ARFGEF2: variants seen among roughly 807,000 people sequenced by gnomAD.
ARFGEF2 encodes ARF guanine nucleotide exchange factor 2.
Under a neutral mutation model 219.9 loss-of-function variants are expected in ARFGEF2, and 74 were observed. The observed-to-expected ratio is 0.34, with a 90% CI of 0.28 to 0.41. The LOEUF is 0.41. ARFGEF2 is among the 10% of genes least tolerant of loss of function. The pLI is 1.00. For synonymous variants in ARFGEF2, 733 were observed against 799.2 expected, an observed-to-expected ratio of 0.92 and a Z score of 1.40; for missense variants, 1,743 against 2,218.3, an observed-to-expected ratio of 0.79 and a Z score of 4.30.
At chr20:48,992,285 A>G (rs2091361690) in intron 21 of ARFGEF2, among the ~76,000 whole-genome samples, 1 of 152,218 alleles carries the variant, frequency 6.6e-6, no homozygotes, top group South Asian at 2.1e-4. Context: ...AGAATTATGG[A>G]AACTGTTTTA....
chr20:49,017,985 C>T (rs1028144303), intron 33 of ARFGEF2, among the ~76,000 whole-genome samples: 9 of 152,156 alleles, frequency 5.9e-5, no homozygotes, highest in Non-Finnish European at 7.4e-5. Context: ...AGTGCTTTGG[C>T]GTAACTGTGC....
intron 3 of ARFGEF2, among the ~76,000 whole-genome samples, chr20:48,942,293 G>T (rs1219937731): frequency 1.3e-5 from 2 of 151,510 alleles, no homozygotes; most frequent in South Asian, 2.1e-4. Flanking sequence ...GGCACATAAG[G>T]CATTTTTATA....
At chr20:48,935,739 C>T (rs1168832410) in intron 1 of ARFGEF2, among the ~76,000 whole-genome samples, 13 of 149,548 alleles carry the variant, frequency 8.7e-5, no homozygotes, top group African/African-American at 3.2e-4. Flanking sequence ...CCCCCACCTC[C>T]CTCCCGGACA....
chr20:48,990,587 C>T (rs575510974), intron 20 of ARFGEF2, among the ~76,000 whole-genome samples: 66 of 152,284 alleles, frequency 4.3e-4, no homozygotes, highest in African/African-American at 1.5e-3. Context: ...CAAGCTTTGA[C>T]GTTAGACCAT....
chr20:48,989,984 A>G (rs1357661613), intron 20 of ARFGEF2, among the ~76,000 whole-genome samples: 2 of 152,196 alleles, frequency 1.3e-5, no homozygotes, highest in Non-Finnish European at 2.9e-5. Context: ...GTTCGAGACC[A>G]GCCTAACCAA....
chr20:48,928,192 CTTTTTTTTTTTT>C (rs747462352), intron 1 of ARFGEF2, among the ~76,000 whole-genome samples: 5 of 104,762 alleles, frequency 4.8e-5, no homozygotes, highest in East Asian at 2.9e-4. Context: ...GTGTTGCAAT[CTTTTTTTTTTTT>C]TTTTTTTTTT....
intron 26 of ARFGEF2, 114 bp from the exon 27 acceptor site, chr20:49,010,118 A>G (rs1289451393): frequency 7.6e-7 from 1 of 1,319,216 alleles, no homozygotes; most frequent in African/African-American, 1.5e-5. Flanking sequence ...CCAAATGTGG[A>G]TTGCTGTGTG....
intron 38 of ARFGEF2, 85 bp from the exon 39 acceptor site, chr20:49,032,938 C>T: frequency 7.8e-7 from 1 of 1,287,180 alleles, no homozygotes; most frequent in Non-Finnish European, 1.1e-6. Context: ...TAATAAGTTC[C>T]AGGGTGAGAT....
intron 5 of ARFGEF2, 131 bp downstream of exon 5, chr20:48,953,015 C>T (rs956881114): frequency 3.3e-5 from 32 of 973,222 alleles, no homozygotes; most frequent in Admixed American, 1.4e-4. Flanking sequence ...ATTCTCTGTA[C>T]TGTGCTTTTG....
intron 1 of ARFGEF2, among the ~76,000 whole-genome samples, chr20:48,938,556 C>A (rs1248549647): frequency 2.6e-5 from 4 of 152,030 alleles, no homozygotes. Context: ...TTTATTTTTT[C>A]TTTATATTAG....
chr20:48,936,413 C>T (rs1247470111), intron 1 of ARFGEF2, among the ~76,000 whole-genome samples: 2 of 150,800 alleles, frequency 1.3e-5, no homozygotes, highest in African/African-American at 2.4e-5. Flanking sequence ...ACTTCCCAGA[C>T]GGGGTGGCTG....
Position 48,945,536 on chromosome 20 carries a change from G to C in ARFGEF2, c.276+3549G>C, listed in dbSNP as rs149540695. Among the ~76,000 whole-genome samples, 13 of 152,284 alleles carry C rather than the reference G, an allele frequency of 8.5e-5. No individual in the cohort carries two copies. In the East Asian group the frequency reaches 2.5e-3, roughly 29 times the overall value. On this transcript the variant is annotated intron_variant, in intron 3 of 38. Transcript: ENST00000371917. ...CTTGTTTCAACCCACTGTGAATCTT[G>C]AGTCTTATGGGGTATGGTTATCTCT...
chr20:48,988,780 G>A (rs565139798), intron 18 of ARFGEF2, 118 bp downstream of exon 18: 59 of 933,784 alleles, frequency 6.3e-5, no homozygotes, highest in Non-Finnish European at 8.8e-5. Context: ...AATAGGAAAT[G>A]TGATTGAATT....
At chr20:49,018,742 T>G in intron 33 of ARFGEF2, 142 bp from the exon 34 acceptor site, 1 of 688,746 alleles carries the variant, frequency 1.5e-6, no homozygotes, top group South Asian at 1.5e-5. Context: ...GCATGCTACA[T>G]TAAGCATGTA....
chr20:49,019,664 G>A (rs1458978757), intron 34 of ARFGEF2, among the ~76,000 whole-genome samples: 2 of 152,140 alleles, frequency 1.3e-5, no homozygotes, highest in Non-Finnish European at 2.9e-5. Flanking sequence ...TATTACATTT[G>A]TAGCTGTTTA....
At chr20:48,966,899 T>G (rs1344294857) in intron 8 of ARFGEF2, among the ~76,000 whole-genome samples, 3 of 152,168 alleles carry the variant, frequency 2.0e-5, no homozygotes, top group Non-Finnish European at 4.4e-5. Context: ...TAGGCTAGAG[T>G]GCAGTGGTGT....
intron 14 of ARFGEF2, among the ~76,000 whole-genome samples, chr20:48,979,531 A>G (rs962285751): frequency 4.6e-5 from 7 of 152,020 alleles, no homozygotes; most frequent in Non-Finnish European, 8.8e-5. Flanking sequence ...TATTGATTGG[A>G]ATAGTTTCAG....
chr20:48,982,633 A>T (rs1385849423), intron 14 of ARFGEF2, among the ~76,000 whole-genome samples: 1 of 152,116 alleles, frequency 6.6e-6, no homozygotes, highest in Non-Finnish European at 1.5e-5. Flanking sequence ...GCCCTTGCAG[A>T]GCTGTGGTGG....
intron 1 of ARFGEF2, among the ~76,000 whole-genome samples, chr20:48,932,483 G>A (rs1232658626): frequency 6.6e-6 from 1 of 152,202 alleles, no homozygotes; most frequent in Non-Finnish European, 1.5e-5. Context: ...AACCTGCCCT[G>A]TTGTCAGAGG....
Sources: gnomAD v4.1 joint callset for allele counts (sites outside exome capture counted in the v4.1 genomes callset) on GRCh38, gnomAD v4.1.1 for gene constraint, MANE v1.5 for transcripts, NCBI Gene and HGNC (gene_info 2026-07-23, HGNC 2026-07-21) for gene names.